KLF12: variants seen among roughly 807,000 people sequenced by gnomAD.
KLF12 encodes the protein KLF transcription factor 12, also known as Krueppel-like factor 12.
Under a neutral mutation model 37.8 loss-of-function variants are expected in KLF12, and 9 were observed. The observed-to-expected ratio is 0.24, with a 90% CI of 0.14 to 0.42. The LOEUF (loss-of-function observed/expected upper bound fraction) is 0.42, where lower values mean the gene tolerates loss of function less well. KLF12 is among the 10% of genes least tolerant of loss of function. KLF12 has a pLI of 1.00. For synonymous variants in KLF12, 208 were observed against 202.1 expected, an observed-to-expected ratio of 1.03 and a Z score of -0.25; for missense variants, 411 against 516.0, an observed-to-expected ratio of 0.80 and a Z score of 1.97.
chr13:73,805,932 G>A (rs1472753484), intron 5 of KLF12, among the ~76,000 whole-genome samples: 1 of 151,812 alleles, frequency 6.6e-6, no homozygotes, highest in Non-Finnish European at 1.5e-5. Flanking sequence ...GGCCTCCCAG[G>A]CAGCCGGGAT....
chr13:74,295,210 C>T, the KLF12 span, among the ~76,000 whole-genome samples: 82 of 152,116 alleles, frequency 5.4e-4, no homozygotes, highest in South Asian at 1.4e-3. Context: ...TGTTCGATAG[C>T]TTAATTACTC....
Position 73,960,521 on chromosome 13 carries a change from G to A in KLF12, c.34-16451C>T, listed in dbSNP as rs114970538. 1,163 of 189,914 alleles carry A rather than the reference G, an allele frequency of 6.1e-3. 23 individuals carry two copies. The highest frequency in any genetic ancestry group is 0.025 in the African/African-American group (1,065 of 42,788). 11.8% of individuals were successfully genotyped at this position (189,914 alleles called of 1,614,324 possible). A position where few individuals can be genotyped will look rare whatever the true frequency, so the allele number is the denominator to read the frequency against. On this transcript the variant is annotated intron_variant, in intron 2 of 7. Coordinates refer to ENST00000377669, the MANE Select transcript of KLF12 (RefSeq NM_007249.5). ...CAATGGTTGGGATAAAAAAAACAAA[G>A]TTCCTATACAGGTTAGCAATCATAA...
At chr13:74,091,632 A>T (rs1288251274) in intron 1 of KLF12, among the ~76,000 whole-genome samples, 1 of 152,192 alleles carries the variant, frequency 6.6e-6, no homozygotes, top group African/African-American at 2.4e-5. Flanking sequence ...CTATAAATGT[A>T]AAAGGAGTAG....
At chr13:74,209,557 CAG>C in the KLF12 span, among the ~76,000 whole-genome samples, 5 of 143,584 alleles carry the variant, frequency 3.5e-5, no homozygotes, top group African/African-American at 7.6e-5. Flanking sequence ...CACACACACA[CAG>C]ACAATTAAAT....
intron 3 of KLF12, among the ~76,000 whole-genome samples, chr13:73,868,600 A>T (rs911993519): frequency 2.0e-5 from 3 of 152,044 alleles, no homozygotes; most frequent in Non-Finnish European, 4.4e-5. Flanking sequence ...CATATTGGCC[A>T]GGCTGGTCTC....
chr13:74,139,769 T>C, the KLF12 span, among the ~76,000 whole-genome samples: 3 of 152,118 alleles, frequency 2.0e-5, no homozygotes, highest in Non-Finnish European at 4.4e-5. Flanking sequence ...CATTTGCAAA[T>C]TTTGAGGTTA....
At chr13:74,056,134 T>C (rs892973589) in intron 1 of KLF12, among the ~76,000 whole-genome samples, 4 of 151,062 alleles carry the variant, frequency 2.6e-5, no homozygotes, top group African/African-American at 9.7e-5. Flanking sequence ...AAATAGGATA[T>C]AGGAATGGAG....
intron 1 of KLF12, among the ~76,000 whole-genome samples, chr13:74,099,311 C>T (rs1254363564): frequency 2.0e-5 from 3 of 152,150 alleles, no homozygotes; most frequent in Non-Finnish European, 2.9e-5. Flanking sequence ...AAGGCCACTG[C>T]ACTCTAGCCT....
chr13:74,126,723 A>C (rs1195305730), intron 1 of KLF12, among the ~76,000 whole-genome samples: 1 of 152,226 alleles, frequency 6.6e-6, no homozygotes, highest in East Asian at 1.9e-4. Flanking sequence ...GTTACTTGGC[A>C]AGACAGCAAC....
At chr13:73,738,122 TATACACAC>T (rs1484125379) in intron 6 of KLF12, among the ~76,000 whole-genome samples, 1 of 64,934 alleles carries the variant, frequency 1.5e-5, no homozygotes, top group South Asian at 4.0e-4. Context: ...TATATATATA[TATACACAC>T]ACACACATAT....
At chr13:73,819,667 A>G (rs1883416581) in intron 4 of KLF12, among the ~76,000 whole-genome samples, 1 of 152,210 alleles carries the variant, frequency 6.6e-6, no homozygotes, top group Non-Finnish European at 1.5e-5. Flanking sequence ...AAAAATATAT[A>G]CTACGTCAGA....
chr13:73,954,091 G>T (rs1196076904), intron 2 of KLF12, among the ~76,000 whole-genome samples: 1 of 145,832 alleles, frequency 6.9e-6, no homozygotes, highest in Non-Finnish European at 1.5e-5. Flanking sequence ...CCATTCTCCT[G>T]CCTCAGTCTC....
intron 7 of KLF12, among the ~76,000 whole-genome samples, chr13:73,702,498 AT>A (rs1385980479): frequency 2.0e-5 from 3 of 152,232 alleles, no homozygotes; most frequent in Non-Finnish European, 2.9e-5. Context: ...AGCAACGCAC[AT>A]AAGAGGAATG....
intron 4 of KLF12, among the ~76,000 whole-genome samples, chr13:73,845,359 G>A (rs1485616736): frequency 6.6e-6 from 1 of 152,070 alleles, no homozygotes; most frequent in Non-Finnish European, 1.5e-5. Flanking sequence ...TTAGATTCCA[G>A]GCACTGCAAC....
At chr13:74,053,698 G>A (rs1873065790) in intron 1 of KLF12, among the ~76,000 whole-genome samples, 1 of 152,160 alleles carries the variant, frequency 6.6e-6, no homozygotes, top group East Asian at 1.9e-4. Context: ...AAGCAGATGT[G>A]TAATAAGTAT....
At chr13:74,061,527 T>C (rs1210459669) in intron 1 of KLF12, among the ~76,000 whole-genome samples, 2 of 152,124 alleles carry the variant, frequency 1.3e-5, no homozygotes, top group African/African-American at 4.8e-5. Flanking sequence ...CCATGATACT[T>C]CCTAGACTGT....
At chr13:74,035,913 T>C (rs186865424) in intron 1 of KLF12, among the ~76,000 whole-genome samples, 2 of 152,196 alleles carry the variant, frequency 1.3e-5, no homozygotes, top group African/African-American at 4.8e-5. Flanking sequence ...TTATTTACTA[T>C]TCATAACTTT....
intron 5 of KLF12, chr13:73,799,938 C>CA (rs1882198068): frequency 6.6e-6 from 1 of 152,006 alleles, no homozygotes; most frequent in African/African-American, 2.4e-5. Flanking sequence ...AATTTTAGCT[C>CA]AAAGATTTTA....
chr13:74,209,406 C>T, the KLF12 span, among the ~76,000 whole-genome samples: 5 of 151,854 alleles, frequency 3.3e-5, no homozygotes, highest in Non-Finnish European at 7.4e-5. Flanking sequence ...GATTTTTAGC[C>T]ATTTCTGATT....
Sources: gnomAD v4.1 joint callset for allele counts (sites outside exome capture counted in the v4.1 genomes callset) on GRCh38, gnomAD v4.1.1 for gene constraint, MANE v1.5 for transcripts, NCBI Gene and HGNC (gene_info 2026-07-23, HGNC 2026-07-21) for gene names.